Variants in MSANTD3 observed in about 807,000 individuals in gnomAD.
The protein encoded by MSANTD3 is myb/SANT-like DNA-binding domain-containing protein 3.
In MSANTD3, 11 loss-of-function variants were observed where a neutral mutation model predicts 27.7. That is an observed-to-expected ratio of 0.40 (90% CI 0.25 to 0.66). The LOEUF (loss-of-function observed/expected upper bound fraction) is 0.66, where lower values mean the gene tolerates loss of function less well. Among genes scored for constraint, MSANTD3 ranks in the 30% least tolerant of loss-of-function variants. MSANTD3 has a pLI of 0.41. For synonymous variants in MSANTD3, 131 were observed against 127.2 expected, an observed-to-expected ratio of 1.03 and a Z score of -0.20; for missense variants, 250 against 336.5, an observed-to-expected ratio of 0.74 and a Z score of 2.01.
In MSANTD3 at chr9:100,442,127, C is replaced by T. The variant is rs774854387; in HGVS notation, c.189C>T (p.Ser63=). ...AHEYNSQPSV[S]LRDFKQLKKC... ...AATACAACTCTCAGCCCAGCGTGTCCCTGCGGGATTTCAAACAGCTGAAGA... is the reference window on the plus strand; with the variant it reads ...AATACAACTCTCAGCCCAGCGTGTCTCTGCGGGATTTCAAACAGCTGAAGA... Residue 63 remains serine (S), a synonymous_variant, in exon 2 of 3, where the codon TCC becomes TCT. Coordinates refer to ENST00000395067, the MANE Select transcript of MSANTD3 (RefSeq NM_080655.3). 9 of 1,614,056 alleles carry T rather than the reference C, an allele frequency of 5.6e-6. No individual in the cohort carries two copies. Among genetic ancestry groups the T allele is most frequent in the South Asian group, 1.1e-5 (1 of 91,078 alleles).
chr9:100,448,211 A>T (rs1388247577), intron 2 of MSANTD3: 1 of 976,914 alleles, frequency 1.0e-6, no homozygotes, highest in Non-Finnish European at 1.2e-6. Flanking sequence ...AAAAAAAAAA[A>T]AAAGAAGAAG....
In MSANTD3 at chr9:100,450,634, T is replaced by C. The variant is rs745600067; in HGVS notation, c.496T>C (p.Ser166Pro). 1.2e-6 allele frequency: 2 copies of C among 1,613,720 alleles called. No homozygotes were observed. Among genetic ancestry groups the C allele is most frequent in the South Asian group, 2.2e-5 (2 of 90,928 alleles). Reference protein sequence around the residue: ...FIHFPVCEGTSQPEPSCSAVR... With the variant: ...FIHFPVCEGTPQPEPSCSAVR... ...ACATTTTCCAGTATGTGAGGGGACCTCTCAACCTGAACCCTCGTGTTCAGC... is the reference window on the plus strand; with the variant it reads ...ACATTTTCCAGTATGTGAGGGGACCCCTCAACCTGAACCCTCGTGTTCAGC... The change falls in exon 3 of 3, where the codon TCT (serine) becomes CCT (proline). Residue 166 changes from serine to proline, a missense_variant. Ser to Pro is a moderately conservative substitution (Grantham distance 74). This residue lies in a region of MSANTD3 where 235 missense variants were observed against 299.3 expected (regional missense o/e 0.79). Transcript: ENST00000395067.
chr9:100,430,959 A>G (rs1257775656), intron 1 of MSANTD3, among the ~76,000 whole-genome samples: 1 of 151,924 alleles, frequency 6.6e-6, no homozygotes, highest in African/African-American at 2.4e-5. Context: ...GGCTTGGAAG[A>G]GAGGTTCTTC....
chr9:100,434,363 T>G (rs944595756), intron 1 of MSANTD3, among the ~76,000 whole-genome samples: 6 of 152,184 alleles, frequency 3.9e-5, no homozygotes, highest in African/African-American at 1.4e-4. Flanking sequence ...AACCCCATCT[T>G]TTCTAAAAGT....
At chr9:100,432,939 C>G (rs1487707602) in intron 1 of MSANTD3, among the ~76,000 whole-genome samples, 2 of 152,144 alleles carry the variant, frequency 1.3e-5, no homozygotes, top group Non-Finnish European at 2.9e-5. Context: ...GAGAATACCC[C>G]CTTGAGCTTT....
chr9:100,436,162 G>A (rs1169043030), intron 1 of MSANTD3, among the ~76,000 whole-genome samples: 1 of 152,062 alleles, frequency 6.6e-6, no homozygotes, highest in Admixed American at 6.5e-5. Flanking sequence ...TTAAGAGATG[G>A]GGTCTCACTG....
At position 100,427,268 on chromosome 9, in the gene MSANTD3, C is replaced by G. The variant is rs994911457; in HGVS notation, c.-159C>G. ...CGGGGGCGCGCCGCCGCCGCCGCCGCCGCCCGGCGTTCGGGAGCCCGCGGC... is the reference window on the plus strand; with the variant it reads ...CGGGGGCGCGCCGCCGCCGCCGCCGGCGCCCGGCGTTCGGGAGCCCGCGGC... On this transcript the variant is annotated 5_prime_UTR_variant, in exon 1 of 3. Transcript: ENST00000395067. The G allele has an allele frequency of 1.4e-5, 2 of 145,606 alleles. No homozygotes were observed. The highest frequency in any genetic ancestry group is 4.9e-5 in the African/African-American group (2 of 40,650). 9.0% of individuals were successfully genotyped at this position (145,606 alleles called of 1,614,324 possible). A position where few individuals can be genotyped will look rare whatever the true frequency, so the allele number is the denominator to read the frequency against.
At position 100,451,034 on chromosome 9, in the gene MSANTD3, G is replaced by C. The variant is rs916531286; in HGVS notation, c.*68G>C. 6.8e-7 allele frequency: 1 copy of C among 1,470,178 alleles called. No individual in the cohort carries two copies. Among genetic ancestry groups the C allele is most frequent in the Admixed American group, 2.3e-5 (1 of 43,548 alleles). The allele number at this position is 1,470,178 out of a possible 1,614,324, so 91.1% of individuals were successfully genotyped here. A position where few individuals can be genotyped will look rare whatever the true frequency, so the allele number is the denominator to read the frequency against. On this transcript the variant is annotated 3_prime_UTR_variant, in exon 3 of 3. Coordinates refer to ENST00000395067, the MANE Select transcript of MSANTD3 (RefSeq NM_080655.3). The stretch of plus-strand genomic sequence containing the variant: ...AGAATGTCTGGAACATGGACTTGGC[G>C]GTCAGTAACCTGTAACAGAGCTACA...
chr9:100,434,469 G>T (rs776741630), intron 1 of MSANTD3, among the ~76,000 whole-genome samples: 3 of 152,122 alleles, frequency 2.0e-5, no homozygotes, highest in Non-Finnish European at 4.4e-5. Context: ...GGCGGAGGTT[G>T]CAGTGAGCCG....
intron 2 of MSANTD3, among the ~76,000 whole-genome samples, chr9:100,446,667 A>G (rs1264036756): frequency 6.6e-6 from 1 of 152,024 alleles, no homozygotes; most frequent in Non-Finnish European, 1.5e-5. Flanking sequence ...TCTTTACTAA[A>G]ACTACAAAAA....
intron 1 of MSANTD3, among the ~76,000 whole-genome samples, chr9:100,430,236 A>G (rs1270686682): frequency 6.6e-6 from 1 of 151,318 alleles, no homozygotes. Flanking sequence ...CAAAAATTGC[A>G]TGAGAGTTGG....
Position 100,427,233 on chromosome 9 carries a change from C to T in MSANTD3, c.-194C>T, listed in dbSNP as rs980403380. ...TGTGGCCGCGGCGCGCGCGGCGGGG[C>T]CTGGCCGGCCGGGGGCGCGCCGCCG... On this transcript the variant is annotated 5_prime_UTR_variant, in exon 1 of 3. Transcript: ENST00000395067. 1 of 145,644 alleles carries T rather than the reference C, an allele frequency of 6.9e-6. No homozygotes were observed. The highest frequency in any genetic ancestry group is 2.5e-5 in the African/African-American group (1 of 40,754). 9.0% of individuals were successfully genotyped at this position (145,644 alleles called of 1,614,324 possible).
At chr9:100,428,984 G>A (rs576918632) in intron 1 of MSANTD3, among the ~76,000 whole-genome samples, 118 of 152,250 alleles carry the variant, frequency 7.8e-4, no homozygotes, top group African/African-American at 2.5e-3. Context: ...AAGGAGCTGA[G>A]GACTTCACCC....
chr9:100,437,423 A>C (rs941350878), intron 1 of MSANTD3, among the ~76,000 whole-genome samples: 10 of 152,226 alleles, frequency 6.6e-5, no homozygotes, highest in African/African-American at 2.4e-4. Flanking sequence ...AAGTCAGACC[A>C]CTTACTATTT....
chr9:100,427,923 T>C (rs187034722), intron 1 of MSANTD3, among the ~76,000 whole-genome samples: 4 of 151,912 alleles, frequency 2.6e-5, no homozygotes, highest in Non-Finnish European at 5.9e-5. Flanking sequence ...GGGGCTACTG[T>C]TTCTGTAAAT....
intron 2 of MSANTD3, 61 bp downstream of exon 2, chr9:100,442,417 T>C: frequency 6.6e-7 from 1 of 1,521,090 alleles, no homozygotes; most frequent in Non-Finnish European, 8.8e-7. Flanking sequence ...CATTTTAATT[T>C]TAAAACCCTC....
chr9:100,429,962 C>T (rs977208004), intron 1 of MSANTD3, among the ~76,000 whole-genome samples: 7 of 152,138 alleles, frequency 4.6e-5, no homozygotes, highest in East Asian at 1.9e-4. Flanking sequence ...CTTGGCCTCC[C>T]AAGGTATTGG....
intron 1 of MSANTD3, among the ~76,000 whole-genome samples, chr9:100,431,162 C>G (rs780083422): frequency 6.6e-6 from 1 of 152,028 alleles, no homozygotes; most frequent in Non-Finnish European, 1.5e-5. Flanking sequence ...ACCATGATAC[C>G]TGGCTAATTT....
rs546273915 is a variant in MSANTD3 at position 100,450,270 on chromosome 9, C to A, written c.419-287C>A. Among the ~76,000 whole-genome samples, 13 of 152,294 alleles carry A rather than the reference C, an allele frequency of 8.5e-5. No homozygotes were observed. The South Asian group carries it at 2.7e-3, about 32-fold the overall frequency. On this transcript the variant is annotated intron_variant, in intron 2 of 2. Transcript: ENST00000395067. ...TTAGAATATCAACATAAAAAGGTCTCTGATTCTTGATAAAAATGGTTTCTG... is the reference window on the plus strand; with the variant it reads ...TTAGAATATCAACATAAAAAGGTCTATGATTCTTGATAAAAATGGTTTCTG...
Sources: allele counts gnomAD v4.1 joint callset (sites outside exome capture counted in the v4.1 genomes callset), GRCh38; gene constraint gnomAD v4.1.1; regional missense constraint gnomAD v4.1.1; transcripts MANE v1.5; gene names NCBI Gene and HGNC (gene_info 2026-07-23, HGNC 2026-07-21).